The following CCNJ variants were observed in gnomAD, a reference collection of about 807,000 sequenced individuals.
CCNJ encodes cyclin J, also known as cyclin-J.
In CCNJ, 12 loss-of-function variants were observed where a neutral mutation model predicts 41.4. The observed-to-expected ratio is 0.29, with a 90% CI of 0.19 to 0.47. The LOEUF is 0.47. Among genes scored for constraint, CCNJ ranks in the 20% least tolerant of loss-of-function variants. The pLI is 1.00. For missense variants in CCNJ, 340 were observed against 464.6 expected, an observed-to-expected ratio of 0.73 and a Z score of 2.47; for synonymous variants, 161 against 173.4, an observed-to-expected ratio of 0.93 and a Z score of 0.56.
At position 96,053,795 on chromosome 10, in the gene CCNJ, C is replaced by T. The variant is rs544717689; in HGVS notation, c.281-2906C>T. ...TTTACTGATGTGTGAAAATTTATAT[C>T]TCACAGTTGGTTTAATTTACATCTC... On this transcript the variant is annotated intron_variant, in intron 3 of 5. Coordinates refer to ENST00000465148, the MANE Select transcript of CCNJ (RefSeq NM_001134375.2). Among the ~76,000 whole-genome samples, 91 of 152,322 alleles carry T rather than the reference C, an allele frequency of 6.0e-4. 3 individuals are homozygous for T. In the South Asian group the frequency reaches 0.019, roughly 31 times the overall value.
At chr10:96,054,822 G>C (rs945046813) in intron 3 of CCNJ, among the ~76,000 whole-genome samples, 1 of 152,120 alleles carries the variant, frequency 6.6e-6, no homozygotes, top group African/African-American at 2.4e-5. Flanking sequence ...CTTGAATTAT[G>C]ATGTATTAAT....
Position 96,060,730 on chromosome 10 carries a change from C to T in CCNJ, c.*2489C>T, listed in dbSNP as rs2080796694. 6.6e-6 allele frequency: 1 copy of T among 151,736 alleles called. No homozygotes were observed. Among genetic ancestry groups the T allele is most frequent in the South Asian group, 2.1e-4 (1 of 4,808 alleles). 9.4% of individuals were successfully genotyped at this position (151,736 alleles called of 1,614,324 possible). Reference sequence around the variant, plus strand: ...ACCAAAGTCCACTAAATAAACACTACTCAAGTACAGACTGCAAACCAAAAT... The same window carrying T: ...ACCAAAGTCCACTAAATAAACACTATTCAAGTACAGACTGCAAACCAAAAT... On this transcript the variant is annotated 3_prime_UTR_variant, in exon 6 of 6. Transcript: ENST00000465148.
In CCNJ at chr10:96,050,293, A is replaced by G; in HGVS notation, c.107A>G (p.Gln36Arg). The G allele has an allele frequency of 6.2e-7, 1 of 1,614,126 alleles. No individual in the cohort carries two copies. Among genetic ancestry groups the G allele is most frequent in the Non-Finnish European group, 8.5e-7 (1 of 1,179,994 alleles). ...KLPSYKGQSP[Q>R]LSLRRYFADL... ...CCCTCCTATAAAGGCCAGTCCCCTC[A>G]GTTAAGTCTCAGACGGTATTTTGCT... is the stretch of plus-strand genomic sequence containing the variant. The change falls in exon 3 of 6, where the codon CAG (glutamine) becomes CGG (arginine). Residue 36 changes from glutamine (Q) to arginine (R), a missense_variant. Physicochemically the swap from Gln to Arg is conservative, Grantham distance 43 (BLOSUM62 1). Around this residue, in one of 3 missense-constraint regions of CCNJ, gnomAD observed 44 missense variants for 43.6 expected, o/e 1.01. Transcript: ENST00000465148.
rs750959946 is a variant in CCNJ at position 96,058,242 on chromosome 10, T to TGA, written c.*1_*2insGA. On this transcript the variant is annotated 3_prime_UTR_variant, in exon 6 of 6. Coordinates refer to ENST00000465148, the MANE Select transcript of CCNJ (RefSeq NM_001134375.2). The stretch of plus-strand genomic sequence containing the variant: ...TATTACTCCATGTTTTGAAAGGTGA[T>TGA]TATTTGTGAAGCTGATAACCGACCC... The TGA allele has an allele frequency of 6.2e-7, 1 of 1,608,330 alleles. No individual in the cohort carries two copies. Among genetic ancestry groups the TGA allele is most frequent in the Non-Finnish European group, 8.5e-7 (1 of 1,175,748 alleles).
intron 3 of CCNJ, among the ~76,000 whole-genome samples, chr10:96,052,865 C>T (rs755976534): frequency 2.0e-5 from 3 of 152,142 alleles, no homozygotes; most frequent in Non-Finnish European, 4.4e-5. Flanking sequence ...TTCAGGATTT[C>T]TGCTCCTCCC....
chr10:96,055,958 T>C (rs962188972), intron 3 of CCNJ, among the ~76,000 whole-genome samples: 1 of 152,232 alleles, frequency 6.6e-6, no homozygotes, highest in African/African-American at 2.4e-5. Flanking sequence ...GATGAAACAA[T>C]TGGAGCTTAA....
At chr10:96,049,993 A>G (rs2080478372) in intron 2 of CCNJ, among the ~76,000 whole-genome samples, 1 of 152,172 alleles carries the variant, frequency 6.6e-6, no homozygotes, top group Non-Finnish European at 1.5e-5. Context: ...AAATCTTTGT[A>G]GGATGTATCC....
chr10:96,057,552 AG>A (rs1409708722), intron 5 of CCNJ, among the ~76,000 whole-genome samples: 3 of 152,242 alleles, frequency 2.0e-5, no homozygotes, highest in Admixed American at 2.0e-4. Flanking sequence ...GGGGGCCACC[AG>A]GATGTTACCA....
At chr10:96,044,497 T>C (rs1237079273) in intron 2 of CCNJ, 35 bp downstream of exon 2, 2 of 1,429,284 alleles carry the variant, frequency 1.4e-6, no homozygotes, top group South Asian at 3.0e-5. Context: ...TCTCCTTCTG[T>C]GTGTCGCGCC....
chr10:96,052,976 C>T (rs946025169), intron 3 of CCNJ, among the ~76,000 whole-genome samples: 6 of 152,136 alleles, frequency 3.9e-5, no homozygotes, highest in South Asian at 2.1e-4. Context: ...TCTACCCTTG[C>T]CCCCCAACCC....
chr10:96,056,747 C>G lies in CCNJ; in HGVS notation c.327C>G (p.Leu109=), dbSNP rs368212218. 3.1e-6 allele frequency: 5 copies of G among 1,612,864 alleles called. No homozygotes were observed. The African/African-American group carries it at 6.7e-5, about 22-fold the overall frequency. Residue 109 remains leucine, a synonymous_variant, in exon 4 of 6, where the codon CTC becomes CTG. Coordinates refer to ENST00000465148, the MANE Select transcript of CCNJ (RefSeq NM_001134375.2). The part of the protein sequence containing the change: ...KEDSVPKLEQ[L]NSLGCMTNMN... ...ACAGTGTGCCTAAGCTGGAGCAGCT[C>G]AACAGCCTGGGTTGTATGACTAATA...
Position 96,058,318 on chromosome 10 carries a change from T to A in CCNJ, c.*77T>A. 1 of 1,287,258 alleles carries A rather than the reference T, an allele frequency of 7.8e-7. No individual in the cohort carries two copies. The highest frequency in any genetic ancestry group is 1.9e-5 in the Admixed American group (1 of 51,446). 79.7% of individuals were successfully genotyped at this position (1,287,258 alleles called of 1,614,324 possible). Reference sequence around the variant, plus strand: ...GGGTAAGCGTTTTGTAAACTTCTGTTCAAAAGGAAAGGGATCTAAATGACA... The same window carrying A: ...GGGTAAGCGTTTTGTAAACTTCTGTACAAAAGGAAAGGGATCTAAATGACA... On this transcript the variant is annotated 3_prime_UTR_variant, in exon 6 of 6. Coordinates refer to ENST00000465148, the MANE Select transcript of CCNJ (RefSeq NM_001134375.2).
At chr10:96,043,397 G>C (rs1405090090), upstream of CCNJ, 1 of 363,542 alleles carries the variant, frequency 2.8e-6, no homozygotes, top group Non-Finnish European at 4.9e-6. Context: ...GCCGCGCCGT[G>C]CGGGATGCTG....
chr10:96,055,797 G>A (rs895138301), intron 3 of CCNJ, among the ~76,000 whole-genome samples: 4 of 152,106 alleles, frequency 2.6e-5, no homozygotes, highest in Non-Finnish European at 4.4e-5. Flanking sequence ...TCTCCCCCAT[G>A]CCCCTTTTTT....
chr10:96,047,600 T>C (rs2080399610), intron 2 of CCNJ, among the ~76,000 whole-genome samples: 1 of 152,196 alleles, frequency 6.6e-6, no homozygotes, highest in Non-Finnish European at 1.5e-5. Flanking sequence ...ATGGCACCAC[T>C]GTACTCCAGC....
upstream of CCNJ, chr10:96,043,564 A>G (rs888050472): frequency 1.0e-5 from 4 of 394,798 alleles, no homozygotes; most frequent in Non-Finnish European, 1.8e-5. Flanking sequence ...TTGTATGCGG[A>G]GCCGCCTGCC....
rs772958251 is a variant in CCNJ at position 96,050,333 on chromosome 10, T to C, written c.147T>C (p.Ile49=). The C allele has an allele frequency of 3.7e-6, 6 of 1,614,006 alleles. No homozygotes were observed. Among genetic ancestry groups the C allele is most frequent in the Non-Finnish European group, 5.1e-6 (6 of 1,179,898 alleles). Reference sequence around the variant, plus strand: ...GGTATTTTGCTGACTTGATTGCCATTGTGAGCAATCGCTTCACACTCTGCC... The same window carrying C: ...GGTATTTTGCTGACTTGATTGCCATCGTGAGCAATCGCTTCACACTCTGCC... ...LRRYFADLIA[I]VSNRFTLCPS... is the part of the protein sequence containing the mutation. Residue 49 remains isoleucine (I), a synonymous_variant, in exon 3 of 6, where the codon ATT becomes ATC. Transcript: ENST00000465148.
chr10:96,044,805 C>G (rs1454342551), intron 2 of CCNJ, among the ~76,000 whole-genome samples: 1 of 152,156 alleles, frequency 6.6e-6, no homozygotes. Context: ...CGAGAGTTGC[C>G]GTTGCATGCA....
intron 3 of CCNJ, among the ~76,000 whole-genome samples, chr10:96,053,444 G>T (rs1318449558): frequency 1.3e-5 from 2 of 152,172 alleles, no homozygotes; most frequent in South Asian, 2.1e-4. Context: ...AAGTTGCTCT[G>T]TTACCTTTAG....
Sources: allele counts gnomAD v4.1 joint callset (sites outside exome capture counted in the v4.1 genomes callset), GRCh38; gene constraint gnomAD v4.1.1; regional missense constraint gnomAD v4.1.1; transcripts MANE v1.5; gene names NCBI Gene and HGNC (gene_info 2026-07-23, HGNC 2026-07-21).